PUSL1: variants seen among roughly 807,000 people sequenced by gnomAD.
The protein encoded by PUSL1 is tRNA pseudouridine synthase-like 1.
PUSL1 carries 51 observed loss-of-function variants against 30.7 expected under a neutral mutation model. That is an observed-to-expected ratio of 1.66 (90% confidence interval 1.33 to 2.10). The LOEUF is 2.10. PUSL1 is among the 30% of genes most tolerant of loss of function. The pLI is 0.00. For synonymous variants in PUSL1, 290 were observed against 192.1 expected (o/e 1.51, Z -4.21); for missense variants, 609 against 427.6 (o/e 1.42, Z -3.74).
chr1:1,309,301 G>T, intron 3 of PUSL1, 28 bp downstream of exon 3: 2 of 1,469,176 alleles, frequency 1.4e-6, no homozygotes, highest in South Asian at 1.3e-5. Flanking sequence ...GCAGCCCTGG[G>T]GCTGTGCCTT....
intron 1 of PUSL1, 81 bp from the exon 2 acceptor site, chr1:1,308,834 G>A: frequency 6.9e-7 from 1 of 1,442,044 alleles, no homozygotes; most frequent in Non-Finnish European, 9.2e-7. Context: ...GTTCGGGGAA[G>A]GAAGCGGCCC....
chr1:1,310,749 C>T, intron 6 of PUSL1, 61 bp downstream of exon 6: 1 of 1,613,028 alleles, frequency 6.2e-7, no homozygotes, highest in Non-Finnish European at 8.5e-7. Flanking sequence ...GGCCCCTGTG[C>T]AGTCTTGGCT....
At chr1:1,310,210 A>C in intron 5 of PUSL1, 1 of 350,372 alleles carries the variant, frequency 2.9e-6, no homozygotes, top group Non-Finnish European at 5.2e-6. Flanking sequence ...GCAGCTTCTG[A>C]CCAGAACCTC....
At position 1,311,426 on chromosome 1, in the gene PUSL1, T is replaced by TGCTGG; in HGVS notation, c.*48_*52dup. ...TTAGGCCACACCAGGCCCAACCCTG[T>TGCTGG]GCTGGTCAAGCCAGGGCAGTCACAG... On this transcript the variant is annotated 3_prime_UTR_variant, in exon 8 of 8. Coordinates refer to ENST00000379031, the MANE Select transcript of PUSL1 (RefSeq NM_153339.3). The TGCTGG allele has an allele frequency of 6.4e-7, 1 of 1,567,720 alleles. No homozygotes were observed. Among genetic ancestry groups the TGCTGG allele is most frequent in the Non-Finnish European group, 8.7e-7 (1 of 1,153,452 alleles).
At chr1:1,310,445 C>A (rs1642064026) in intron 5 of PUSL1, 189 bp from the exon 6 acceptor site, 3 of 622,722 alleles carry the variant, frequency 4.8e-6, no homozygotes, top group Non-Finnish European at 8.6e-6. Context: ...AGCATTGTTT[C>A]TCTGGTTTTA....
chr1:1,309,913 C>T lies in PUSL1; in HGVS notation c.644+62C>T, dbSNP rs1642019781. Reference sequence around the variant, plus strand: ...AGTCACGTGCTGATTTTAGCTCCAGCACCTCCCCCAGTTTTAAGGCAAGGT... The same window carrying T: ...AGTCACGTGCTGATTTTAGCTCCAGTACCTCCCCCAGTTTTAAGGCAAGGT... On this transcript the variant is annotated intron_variant, in intron 5 of 7. Transcript: ENST00000379031. 9.9e-6 allele frequency: 13 copies of T among 1,307,408 alleles called. No homozygotes were observed. The South Asian group carries it at 1.5e-4, about 16-fold the overall frequency. The allele number at this position is 1,307,408 out of a possible 1,614,324, so 81.0% of individuals were successfully genotyped here. A position where few individuals can be genotyped will look rare whatever the true frequency, so the allele number is the denominator to read the frequency against.
chr1:1,309,016 G>A (rs1187375041), intron 2 of PUSL1, 44 bp downstream of exon 2: 3 of 1,390,642 alleles, frequency 2.2e-6, no homozygotes, highest in Non-Finnish European at 9.3e-7. Flanking sequence ...GGGTAAGGGG[G>A]AGGCTCCCGC....
chr1:1,310,473 T>G, intron 5 of PUSL1, 161 bp from the exon 6 acceptor site: 4 of 665,942 alleles, frequency 6.0e-6, no homozygotes, highest in Non-Finnish European at 1.1e-5. Flanking sequence ...CCAATGGGCC[T>G]CACTGGGGGC....
chr1:1,310,081 C>T (rs988873997), intron 5 of PUSL1: 6 of 526,452 alleles, frequency 1.1e-5, no homozygotes, highest in African/African-American at 5.8e-5. Context: ...CTGAAAAACC[C>T]CTGCCATGCC....
In PUSL1 at chr1:1,310,632, A is replaced by G; in HGVS notation, c.645-2A>G. On this transcript the variant is annotated splice_acceptor_variant, in intron 5 of 7. Transcript: ENST00000379031. LOFTEE classifies it high-confidence loss of function. Reference sequence around the variant, plus strand: ...GACACCTACAGGTACGTATTTTTCCAGGAAGCTGCGGTTCTGGAACCTGGA... The same window carrying G: ...GACACCTACAGGTACGTATTTTTCCGGGAAGCTGCGGTTCTGGAACCTGGA... The G allele has an allele frequency of 6.4e-7, 1 of 1,562,626 alleles. No individual in the cohort carries two copies. The highest frequency in any genetic ancestry group is 8.7e-7 in the Non-Finnish European group (1 of 1,151,440).
chr1:1,310,404 A>G, intron 5 of PUSL1: 1 of 541,598 alleles, frequency 1.8e-6, no homozygotes, highest in Non-Finnish European at 3.3e-6. Flanking sequence ...CTACCTGCCC[A>G]GCCTCCAGGG....
At chr1:1,309,404 C>T (rs1324117083) in intron 3 of PUSL1, 50 bp from the exon 4 acceptor site, 2 of 1,532,662 alleles carry the variant, frequency 1.3e-6, no homozygotes, top group Non-Finnish European at 8.8e-7. Context: ...CAATGTGACA[C>T]CGCGGGCGGG....
rs767482018 is a variant in PUSL1, at chr1:1,310,997, C to G, written c.788C>G (p.Pro263Arg). 1 of 1,612,796 alleles carries G rather than the reference C, an allele frequency of 6.2e-7. No individual in the cohort carries two copies. Among genetic ancestry groups the G allele is most frequent in the African/African-American group, 1.3e-5 (1 of 74,896 alleles). The change falls in exon 7 of 8, where the codon CCC becomes CGC. Residue 263 changes from proline (P) to arginine (R), a missense_variant. By Grantham distance (103) the Pro-to-Arg change is moderately radical. Coordinates refer to ENST00000379031, the MANE Select transcript of PUSL1 (RefSeq NM_153339.3). ...AAGACGATTCTGGAGAGCCAAGATC[C>G]CCTGGGCAAGCACCAGACACGTGTA... ...QVKTILESQD[P>R]LGKHQTRVAP...
chr1:1,311,210 G>A (rs1043963337), intron 7 of PUSL1, 120 bp from the exon 8 acceptor site: 4 of 1,412,614 alleles, frequency 2.8e-6, no homozygotes, highest in African/African-American at 1.4e-5. Context: ...CAGTCCCTCA[G>A]GCCAGCCCGT....
rs764658227 is a variant in PUSL1, at chr1:1,309,586, C to G, written c.456C>G (p.Cys152Trp). The change falls in exon 4 of 8, where the codon TGC becomes TGG. Residue 152 changes from cysteine (C) to tryptophan (W), a missense_variant. Physicochemically the swap from Cys to Trp is radical, Grantham distance 215. Coordinates refer to ENST00000379031, the MANE Select transcript of PUSL1 (RefSeq NM_153339.3). ...TGCCGGTGTTTGAACGCAACCTATG[C>G]TGGACTCTCCCGGCAGAGTGAGTGT... ...DELPVFERNL[C>W]WTLPADCLDM... The G allele has an allele frequency of 4.3e-6, 7 of 1,611,608 alleles. No individual in the cohort carries two copies. The South Asian group carries it at 7.7e-5, about 18-fold the overall frequency.
chr1:1,309,878 C>T, intron 5 of PUSL1, 27 bp downstream of exon 5: 5 of 1,463,256 alleles, frequency 3.4e-6, no homozygotes, highest in South Asian at 1.4e-5. Flanking sequence ...GGGCTGTGGC[C>T]CTGCCCTCAA....
rs1157390270 is a variant in PUSL1, at chr1:1,309,110, G to A, written c.160G>A (p.Val54Met). 1.3e-6 allele frequency: 2 copies of A among 1,513,534 alleles called. No individual in the cohort carries two copies. The highest frequency in any genetic ancestry group is 1.2e-5 in the South Asian group (1 of 81,474). 93.8% of individuals were successfully genotyped at this position (1,513,534 alleles called of 1,614,324 possible). ...GGAGGCCGCCGAGCGGCTGAATTCCGTGGAGCCGGTCAGGTTCACCATCTC... is the reference window on the plus strand; with the variant it reads ...GGAGGCCGCCGAGCGGCTGAATTCCATGGAGCCGGTCAGGTTCACCATCTC... ...LEEAAERLNS[V>M]EPVRFTISSR... Residue 54 changes from valine to methionine, a missense_variant, in exon 3 of 8, where the codon GTG (valine) becomes ATG (methionine). Val to Met is a conservative substitution (Grantham distance 21). Coordinates refer to ENST00000379031, the MANE Select transcript of PUSL1 (RefSeq NM_153339.3).
intron 1 of PUSL1, 46 bp from the exon 2 acceptor site, chr1:1,308,869 C>G (rs1641920402): frequency 7.0e-7 from 1 of 1,423,018 alleles, no homozygotes; most frequent in Non-Finnish European, 9.2e-7. Flanking sequence ...GGCGGAGACC[C>G]CAGGGCAGGG....
In PUSL1 at chr1:1,311,644, G is replaced by A. The variant is rs543885098; in HGVS notation, c.*265G>A. 22 of 707,336 alleles carry A rather than the reference G, an allele frequency of 3.1e-5. No homozygotes were observed. The highest frequency in any genetic ancestry group is 1.0e-4 in the African/African-American group (6 of 57,380). The allele number at this position is 707,336 out of a possible 1,614,324, so 43.8% of individuals were successfully genotyped here. A position where few individuals can be genotyped will look rare whatever the true frequency, so the allele number is the denominator to read the frequency against. On this transcript the variant is annotated 3_prime_UTR_variant, in exon 8 of 8. Coordinates refer to ENST00000379031, the MANE Select transcript of PUSL1 (RefSeq NM_153339.3). ...TGGAAACTGCTGTCTAGGACCACCT[G>A]CCCTAACCAGGAATAAAGGCAAGAC...
Sources: gnomAD v4.1 joint callset for allele counts on GRCh38, gnomAD v4.1.1 for gene constraint, MANE v1.5 for transcripts, NCBI Gene and HGNC (gene_info 2026-07-23, HGNC 2026-07-21) for gene names.